Variants in MAST4 observed in about 807,000 individuals in gnomAD.
MAST4 encodes the protein microtubule-associated serine/threonine-protein kinase 4.
Under a neutral mutation model 162.7 loss-of-function variants are expected in MAST4, and 89 were observed. That is an observed-to-expected ratio of 0.55 (90% confidence interval 0.46 to 0.65). The LOEUF is 0.65. Ranked by LOEUF, MAST4 falls within the 30% of genes least tolerant of loss-of-function variation. MAST4 has a pLI of 0.00. For missense variants in MAST4, 3,153 were observed against 3,374.0 expected, an observed-to-expected ratio of 0.93 and a Z score of 1.62; for synonymous variants, 1,479 against 1,361.1, an observed-to-expected ratio of 1.09 and a Z score of -1.91.
chr5:66,984,575 C>G (rs1749249560), intron 4 of MAST4, among the ~76,000 whole-genome samples: 2 of 152,128 alleles, frequency 1.3e-5, no homozygotes, highest in African/African-American at 4.8e-5. Context: ...TCTGATTTGC[C>G]TCTTTAAAGT....
Position 67,163,055 on chromosome 5 carries a change from C to A in MAST4, c.3968-92C>A. Reference sequence around the variant, plus strand: ...ATGCTGAGACAATTTGCTGATCTTACCTGGCCTTACCTAATACAGTCTGGG... The same window carrying A: ...ATGCTGAGACAATTTGCTGATCTTAACTGGCCTTACCTAATACAGTCTGGG... On this transcript the variant is annotated intron_variant, in intron 28 of 28. Coordinates refer to ENST00000403625, the MANE Select transcript of MAST4 (RefSeq NM_001164664.2). The surrounding 1 kb of genome is among the most constrained non-coding windows in gnomAD (Gnocchi z 7.0). 7.2e-7 allele frequency: 1 copy of A among 1,386,840 alleles called. No individual in the cohort carries two copies. Among genetic ancestry groups the A allele is most frequent in the Non-Finnish European group, 9.8e-7 (1 of 1,018,976 alleles). The allele number at this position is 1,386,840 out of a possible 1,614,324, so 85.9% of individuals were successfully genotyped here.
At chr5:66,973,829 T>G (rs981263095) in intron 4 of MAST4, among the ~76,000 whole-genome samples, 10 of 152,230 alleles carry the variant, frequency 6.6e-5, no homozygotes, top group Non-Finnish European at 1.3e-4. Context: ...TAGAATAAAA[T>G]GGAAGACAAA....
At chr5:66,837,023 C>CGTGTGTGT (rs544483226) in intron 3 of MAST4, among the ~76,000 whole-genome samples, 2,773 of 144,754 alleles carry the variant, frequency 0.019, 43 homozygotes, top group Non-Finnish European at 0.024. Context: ...CATGCAGGAT[C>CGTGTGTGT]ATGTGTGTGT....
chr5:66,701,419 G>A (rs924881673), intron 1 of MAST4, among the ~76,000 whole-genome samples: 1 of 152,130 alleles, frequency 6.6e-6, no homozygotes, highest in Non-Finnish European at 1.5e-5. Context: ...TCACAGAGAG[G>A]GGTCTGTAGC....
chr5:66,955,123 T>C (rs760937811), intron 4 of MAST4, among the ~76,000 whole-genome samples: 13 of 150,084 alleles, frequency 8.7e-5, no homozygotes, highest in Admixed American at 6.6e-5. Context: ...AGAGGATTGT[T>C]TGAATCCAGG....
chr5:67,105,749 G>A (rs983762687), intron 10 of MAST4, among the ~76,000 whole-genome samples: 2 of 152,192 alleles, frequency 1.3e-5, no homozygotes, highest in African/African-American at 2.4e-5. Context: ...GAGTTGCCAC[G>A]TGCTTACGCT....
intron 1 of MAST4, among the ~76,000 whole-genome samples, chr5:66,704,139 C>A (rs963662336): frequency 6.6e-6 from 1 of 152,004 alleles, no homozygotes; most frequent in Non-Finnish European, 1.5e-5. Context: ...TCCCTGTAAC[C>A]ATTTGTATCT....
intron 3 of MAST4, among the ~76,000 whole-genome samples, chr5:66,879,395 C>T (rs982008144): frequency 3.3e-5 from 5 of 151,246 alleles, no homozygotes; most frequent in Admixed American, 3.3e-4. Flanking sequence ...CACAAATTAC[C>T]TATTGGGTTG....
intron 3 of MAST4, among the ~76,000 whole-genome samples, chr5:66,794,082 T>C (rs1490903828): frequency 6.6e-6 from 1 of 152,234 alleles, no homozygotes; most frequent in Non-Finnish European, 1.5e-5. Flanking sequence ...TCTTGTATAT[T>C]TATGGTTTTG....
intron 4 of MAST4, among the ~76,000 whole-genome samples, chr5:66,923,017 CA>C (rs1240728074): frequency 6.6e-6 from 1 of 152,096 alleles, no homozygotes; most frequent in Non-Finnish European, 1.5e-5. Flanking sequence ...TGTGACTGAA[CA>C]AATATTTTCT....
intron 1 of MAST4, among the ~76,000 whole-genome samples, chr5:66,600,521 A>G (rs958796062): frequency 6.6e-6 from 1 of 152,224 alleles, no homozygotes; most frequent in Admixed American, 6.5e-5. Flanking sequence ...TACGCCTAGC[A>G]TGGTACAGTT....
intron 1 of MAST4, among the ~76,000 whole-genome samples, chr5:66,640,225 T>C (rs1397865441): frequency 2.0e-5 from 3 of 152,202 alleles, no homozygotes; most frequent in Non-Finnish European, 4.4e-5. Flanking sequence ...GTTTTATCCA[T>C]ATTGTCACAA....
chr5:67,134,429 G>A (rs1360046923), intron 17 of MAST4, 94 bp from the exon 18 acceptor site: 4 of 1,117,342 alleles, frequency 3.6e-6, no homozygotes, highest in African/African-American at 1.6e-5. Flanking sequence ...TTGAGCAGGT[G>A]CATTCTGGGC....
chr5:66,801,201 C>CTAG (rs1431515486), intron 3 of MAST4, among the ~76,000 whole-genome samples: 1 of 152,030 alleles, frequency 6.6e-6, no homozygotes, highest in Non-Finnish European at 1.5e-5. Context: ...TTTAACAGGC[C>CTAG]TGTGTATCTC....
intron 14 of MAST4, among the ~76,000 whole-genome samples, chr5:67,122,239 A>G (rs1273983305): frequency 6.6e-6 from 1 of 152,220 alleles, no homozygotes; most frequent in East Asian, 1.9e-4. Context: ...ATTTATTGCC[A>G]TTTATCACAC....
At chr5:66,811,384 A>G (rs1367509207) in intron 3 of MAST4, among the ~76,000 whole-genome samples, 2 of 152,158 alleles carry the variant, frequency 1.3e-5, no homozygotes, top group African/African-American at 4.8e-5. Context: ...AGCAGCCTAT[A>G]TTCATGAAAA....
At chr5:66,779,111 A>T (rs1400398110) in intron 2 of MAST4, among the ~76,000 whole-genome samples, 1 of 152,214 alleles carries the variant, frequency 6.6e-6, no homozygotes, top group African/African-American at 2.4e-5. Flanking sequence ...AATGCTGGTG[A>T]TAATATTCTA....
chr5:66,638,517 T>A (rs955776637), intron 1 of MAST4, among the ~76,000 whole-genome samples: 22 of 152,224 alleles, frequency 1.4e-4, no homozygotes, highest in Admixed American at 1.4e-3. Flanking sequence ...TCTATATACA[T>A]AATGAGATAT....
intron 4 of MAST4, among the ~76,000 whole-genome samples, chr5:66,968,391 T>A (rs1029760282): frequency 5.3e-5 from 8 of 152,166 alleles, no homozygotes; most frequent in East Asian, 3.9e-4. Flanking sequence ...TCTCCTTCCA[T>A]CTCCCAAATC....
Sources: gnomAD v4.1 joint callset for allele counts (sites outside exome capture counted in the v4.1 genomes callset) on GRCh38, gnomAD v4.1.1 for gene constraint, Gnocchi (gnomAD v3.1) non-coding constraint, MANE v1.5 for transcripts, NCBI Gene and HGNC (gene_info 2026-07-23, HGNC 2026-07-21) for gene names.